Variants in ZCWPW2 observed in about 807,000 individuals in gnomAD.
ZCWPW2 encodes the protein zinc finger CW-type and PWWP domain containing 2, also known as zinc finger CW-type PWWP domain protein 2.
A neutral mutation model predicts 46.6 loss-of-function variants in ZCWPW2; 45 were observed. That is an observed-to-expected ratio of 0.96 (90% CI 0.76 to 1.24). The LOEUF is 1.24. Among genes scored for constraint, ZCWPW2 ranks in the 50% most tolerant of loss-of-function variants. ZCWPW2 has a pLI of 0.00. For missense variants in ZCWPW2, 429 were observed against 403.9 expected (o/e 1.06, Z -0.53); for synonymous variants, 152 against 137.1 (o/e 1.11, Z -0.76).
chr3:28,501,099 G>A (rs1055777233), intron 6 of ZCWPW2, among the ~76,000 whole-genome samples: 2 of 152,082 alleles, frequency 1.3e-5, no homozygotes, highest in African/African-American at 4.8e-5. Context: ...TGAGTTTAAA[G>A]ATCTAATTGA....
intron 1 of ZCWPW2, among the ~76,000 whole-genome samples, chr3:28,361,976 A>T (rs1704960598): frequency 6.6e-6 from 1 of 152,122 alleles, no homozygotes; most frequent in African/African-American, 2.4e-5. Context: ...GTTTCCCCCA[A>T]ATTAAAAGTG....
intron 3 of ZCWPW2, among the ~76,000 whole-genome samples, chr3:28,422,526 C>A (rs1696834938): frequency 6.6e-6 from 1 of 152,166 alleles, no homozygotes; most frequent in Non-Finnish European, 1.5e-5. Flanking sequence ...TACGTCTCTT[C>A]CATGTCCTTT....
chr3:28,450,289 C>T (rs750183755), intron 4 of ZCWPW2, among the ~76,000 whole-genome samples: 1 of 152,080 alleles, frequency 6.6e-6, no homozygotes, highest in Non-Finnish European at 1.5e-5. Flanking sequence ...CTTTCATTTG[C>T]CTGGACTGGA....
intron 4 of ZCWPW2, chr3:28,460,858 A>G: frequency 5.9e-6 from 1 of 168,890 alleles, no homozygotes; most frequent in Non-Finnish European, 1.3e-5. Flanking sequence ...TATAAATAGC[A>G]GTAATTGACA....
At chr3:28,456,739 T>C (rs1456644243) in intron 4 of ZCWPW2, among the ~76,000 whole-genome samples, 1 of 152,210 alleles carries the variant, frequency 6.6e-6, no homozygotes, top group Non-Finnish European at 1.5e-5. Context: ...CATGTGTTTT[T>C]TGTCTTTAGT....
chr3:28,368,197 G>A (rs1208864585), intron 1 of ZCWPW2, among the ~76,000 whole-genome samples: 1 of 152,138 alleles, frequency 6.6e-6, no homozygotes, highest in Admixed American at 6.5e-5. Context: ...TATGATGATA[G>A]CTGGTTATTT....
At chr3:28,487,951 C>G (rs576980892) in intron 5 of ZCWPW2, among the ~76,000 whole-genome samples, 2 of 152,206 alleles carry the variant, frequency 1.3e-5, no homozygotes, top group South Asian at 2.1e-4. Context: ...ATAGGTTAGG[C>G]TCTGGTAAAA....
Position 28,495,970 on chromosome 3 carries a change from C to T in ZCWPW2, c.657+3797C>T, listed in dbSNP as rs1427516302. 2.2e-4 allele frequency among the ~76,000 whole-genome samples: 34 copies of T among 151,778 alleles called. 1 individual carries two copies. The highest frequency in any genetic ancestry group is 2.2e-3 in the Admixed American group (34 of 15,188). On this transcript the variant is annotated intron_variant, in intron 6 of 9. Transcript: ENST00000383768. The stretch of plus-strand genomic sequence containing the variant: ...ATGATTTTGGATGTTCTGCTGGACT[C>T]GACAAACTACAAATATAATTTTATA...
intron 4 of ZCWPW2, among the ~76,000 whole-genome samples, chr3:28,455,980 T>C (rs1698406969): frequency 6.6e-6 from 1 of 152,170 alleles, no homozygotes; most frequent in East Asian, 1.9e-4. Context: ...CTTTTTCAGC[T>C]CCATATGAAT....
chr3:28,371,986 C>CCTG (rs1559477589), intron 1 of ZCWPW2, among the ~76,000 whole-genome samples: 1 of 151,614 alleles, frequency 6.6e-6, no homozygotes, highest in Non-Finnish European at 1.5e-5. Context: ...TCCTCCTCCT[C>CCTG]CTCCTGCTCC....
intron 5 of ZCWPW2, among the ~76,000 whole-genome samples, chr3:28,486,506 A>G (rs1699604417): frequency 6.6e-6 from 1 of 151,962 alleles, no homozygotes; most frequent in South Asian, 2.1e-4. Context: ...CTTGGAAGGT[A>G]GTTCTATTGG....
chr3:28,350,270 G>C (rs1704493220), intron 1 of ZCWPW2, among the ~76,000 whole-genome samples: 1 of 152,126 alleles, frequency 6.6e-6, no homozygotes, highest in South Asian at 2.1e-4. Context: ...GAAATAAAGT[G>C]GTAACCTGGT....
intron 2 of ZCWPW2, among the ~76,000 whole-genome samples, chr3:28,407,873 C>G (rs538657490): frequency 6.6e-6 from 1 of 152,244 alleles, no homozygotes; most frequent in Admixed American, 6.5e-5. Flanking sequence ...TATAGGGATC[C>G]CTTCAAAGGC....
intron 6 of ZCWPW2, among the ~76,000 whole-genome samples, chr3:28,493,020 T>C (rs1192691391): frequency 1.3e-5 from 2 of 149,258 alleles, no homozygotes; most frequent in African/African-American, 5.1e-5. Flanking sequence ...TTGTACATTT[T>C]ATGAGTCCTT....
rs146702118 is a variant in ZCWPW2, at chr3:28,516,659, T to A, written c.784+1038T>A. The stretch of plus-strand genomic sequence containing the variant: ...TTTCCTTGAAGCCACTCCCAGGGGA[T>A]CCTATGGCATTGCATTTCAATTGGC... On this transcript the variant is annotated intron_variant, in intron 8 of 9. Coordinates refer to ENST00000383768, the MANE Select transcript of ZCWPW2 (RefSeq NM_001040432.4). Among the ~76,000 whole-genome samples, 571 of 152,284 alleles carry A rather than the reference T, an allele frequency of 3.7e-3. 4 individuals are homozygous for A. The highest frequency in any genetic ancestry group is 0.013 in the African/African-American group (527 of 41,542).
intron 4 of ZCWPW2, among the ~76,000 whole-genome samples, chr3:28,449,120 A>G (rs1335130661): frequency 4.6e-5 from 7 of 152,190 alleles, no homozygotes; most frequent in Admixed American, 4.6e-4. Flanking sequence ...AGTGGGGCAA[A>G]GACCATTCAA....
chr3:28,431,421 T>C (rs1156679184), intron 3 of ZCWPW2, among the ~76,000 whole-genome samples: 1 of 152,258 alleles, frequency 6.6e-6, no homozygotes, highest in East Asian at 1.9e-4. Flanking sequence ...GACCCTCTTC[T>C]TGGCTTGCAG....
intron 2 of ZCWPW2, among the ~76,000 whole-genome samples, chr3:28,400,271 C>T (rs564996452): frequency 6.6e-6 from 1 of 151,792 alleles, no homozygotes; most frequent in Non-Finnish European, 1.5e-5. Context: ...ATGAACAAAG[C>T]CCAAAGAAGT....
intron 6 of ZCWPW2, among the ~76,000 whole-genome samples, chr3:28,501,749 A>T (rs1406731514): frequency 2.0e-5 from 3 of 152,058 alleles, no homozygotes; most frequent in African/African-American, 7.2e-5. Flanking sequence ...AAATCTTAAC[A>T]TACAAAGTTC....
Sources: allele counts gnomAD v4.1 joint callset (sites outside exome capture counted in the v4.1 genomes callset), GRCh38; gene constraint gnomAD v4.1.1; transcripts MANE v1.5; gene names NCBI Gene and HGNC (gene_info 2026-07-23, HGNC 2026-07-21).